CNTN6: variants seen among roughly 807,000 people sequenced by gnomAD.
The protein encoded by CNTN6 is contactin-6.
Under a neutral mutation model 122.8 loss-of-function variants are expected in CNTN6, and 137 were observed. The observed-to-expected ratio is 1.12, with a 90% confidence interval of 0.97 to 1.29. The LOEUF (loss-of-function observed/expected upper bound fraction) is 1.29, where lower values mean the gene tolerates loss of function less well. Among genes scored for constraint, CNTN6 ranks in the 50% most tolerant of loss-of-function variants. The probability of loss-of-function intolerance (pLI) is 0.00; values close to 1 mark genes in which losing one functional copy is unlikely to be tolerated. For missense variants in CNTN6, 1,634 were observed against 1,223.4 expected, an observed-to-expected ratio of 1.34 and a Z score of -5.01; for synonymous variants, 570 against 426.0, an observed-to-expected ratio of 1.34 and a Z score of -4.16.
chr3:1,402,884 A>G (rs1013858647), intron 22 of CNTN6: 2 of 192,388 alleles, frequency 1.0e-5, no homozygotes, highest in African/African-American at 4.7e-5. Context: ...TCACTAATCA[A>G]GTGTGGCTTT....
At chr3:1,175,177 A>G (rs986975252) in intron 2 of CNTN6, among the ~76,000 whole-genome samples, 2 of 142,232 alleles carry the variant, frequency 1.4e-5, no homozygotes, top group African/African-American at 5.2e-5. Context: ...GACTACGGTG[A>G]GTACCACTGC....
intron 20 of CNTN6, among the ~76,000 whole-genome samples, chr3:1,400,291 G>C (rs190000806): frequency 1.2e-4 from 19 of 152,102 alleles, no homozygotes; most frequent in Admixed American, 1.2e-3. Context: ...CAGATAAGCA[G>C]CAAGTTGTTC....
intron 4 of CNTN6, among the ~76,000 whole-genome samples, chr3:1,232,382 A>T (rs1273766074): frequency 6.6e-6 from 1 of 152,224 alleles, no homozygotes; most frequent in African/African-American, 2.4e-5. Context: ...TAGGTCCTAA[A>T]GATTAAATGG....
chr3:1,120,241 G>C (rs1574918546), intron 1 of CNTN6, among the ~76,000 whole-genome samples: 1 of 151,832 alleles, frequency 6.6e-6, no homozygotes, highest in African/African-American at 2.4e-5. Context: ...ACTTTAGAGA[G>C]GAATTGATGG....
At chr3:1,315,253 C>T (rs1043793272) in intron 7 of CNTN6, among the ~76,000 whole-genome samples, 3 of 151,902 alleles carry the variant, frequency 2.0e-5, no homozygotes, top group African/African-American at 7.3e-5. Flanking sequence ...TGAAGCAAAA[C>T]GAACTCCTAG....
chr3:1,229,588 AAT>A lies in CNTN6; in HGVS notation c.358+1598_358+1599del, dbSNP rs530529630. Among the ~76,000 whole-genome samples the A allele has an allele frequency of 5.3e-5, 8 of 152,290 alleles. No individual in the cohort carries two copies. The South Asian group carries it at 1.0e-3, about 20-fold the overall frequency. ...CCTTTGTTCTGTACTTTTTAACAAA[AAT>A]ATGTTTTAAAATGTCCTACATTATT... is the stretch of plus-strand genomic sequence containing the variant. On this transcript the variant is annotated intron_variant, in intron 4 of 22. Transcript: ENST00000446702.
chr3:1,236,618 G>A (rs572191717), intron 4 of CNTN6, among the ~76,000 whole-genome samples: 1 of 152,190 alleles, frequency 6.6e-6, no homozygotes, highest in Non-Finnish European at 1.5e-5. Context: ...CTGACATAAT[G>A]TACCCGAATG....
At chr3:1,383,232 C>A in intron 18 of CNTN6, 56 bp downstream of exon 18, 3 of 1,595,974 alleles carry the variant, frequency 1.9e-6, no homozygotes, top group Non-Finnish European at 2.6e-6. Context: ...TTTGTGTTCC[C>A]TTGTTCCATT....
At chr3:1,276,810 A>G (rs1427842435) in intron 4 of CNTN6, among the ~76,000 whole-genome samples, 1 of 152,176 alleles carries the variant, frequency 6.6e-6, no homozygotes, top group African/African-American at 2.4e-5. Context: ...ATTTACTTAT[A>G]TGTAATATAA....
intron 11 of CNTN6, among the ~76,000 whole-genome samples, chr3:1,342,073 TG>T (rs1703969009): frequency 6.6e-6 from 1 of 151,846 alleles, no homozygotes; most frequent in Non-Finnish European, 1.5e-5. Flanking sequence ...TTCTCGATTT[TG>T]TTGAAGAGTT....
At position 1,336,595 on chromosome 3, in the gene CNTN6, T is replaced by C. The variant is rs11927758; in HGVS notation, c.1364+6660T>C. 5.6e-3 allele frequency among the ~76,000 whole-genome samples: 859 copies of C among 152,288 alleles called. 6 individuals are homozygous for C. Among genetic ancestry groups the C allele is most frequent in the Middle Eastern group, 0.041 (12 of 294 alleles). On this transcript the variant is annotated intron_variant, in intron 11 of 22. Coordinates refer to ENST00000446702, the MANE Select transcript of CNTN6 (RefSeq NM_001289080.2). ...AGTATATATATTTGCAGACAGGTGT[T>C]ATCAAATCATGGATTCTGTGTGATT...
At chr3:1,205,713 T>C (rs1575230702) in intron 2 of CNTN6, among the ~76,000 whole-genome samples, 1 of 152,200 alleles carries the variant, frequency 6.6e-6, no homozygotes, top group Non-Finnish European at 1.5e-5. Flanking sequence ...AACTCACTGA[T>C]CAATGAAGGG....
At chr3:1,283,920 C>T (rs1693908294) in intron 5 of CNTN6, among the ~76,000 whole-genome samples, 1 of 152,158 alleles carries the variant, frequency 6.6e-6, no homozygotes, top group Non-Finnish European at 1.5e-5. Flanking sequence ...AATCACTTGA[C>T]TCTGGGAGGC....
At chr3:1,393,503 C>T (rs1203263750) in intron 20 of CNTN6, among the ~76,000 whole-genome samples, 2 of 134,146 alleles carry the variant, frequency 1.5e-5, no homozygotes, top group African/African-American at 5.7e-5. Flanking sequence ...CACATGTATA[C>T]ATATGTAACT....
At chr3:1,108,266 A>C (rs923359812) in intron 1 of CNTN6, among the ~76,000 whole-genome samples, 3 of 152,044 alleles carry the variant, frequency 2.0e-5, no homozygotes, top group African/African-American at 7.2e-5. Flanking sequence ...AGAGTTTGAA[A>C]TTTTCTGAAT....
intron 4 of CNTN6, among the ~76,000 whole-genome samples, chr3:1,249,058 G>A (rs995635082): frequency 6.6e-6 from 1 of 152,124 alleles, no homozygotes; most frequent in Non-Finnish European, 1.5e-5. Flanking sequence ...AAGATCACAG[G>A]TAACACTGAT....
At chr3:1,119,322 C>CGTGTGTGTGTGTGTGT (rs369235352) in intron 1 of CNTN6, among the ~76,000 whole-genome samples, 36,653 of 126,276 alleles carry the variant, frequency 0.29, 6,035 homozygotes, top group Middle Eastern at 0.32. Context: ...ACAGAAAAAT[C>CGTGTGTGTGTGTGTGT]GTGTGTGTGT....
chr3:1,368,538 T>C (rs1385657373), intron 12 of CNTN6, among the ~76,000 whole-genome samples: 8 of 152,164 alleles, frequency 5.3e-5, no homozygotes, highest in Non-Finnish European at 1.0e-4. Context: ...TAAAAACTTA[T>C]CAAAAAGTAT....
At position 1,403,343 on chromosome 3, in the gene CNTN6, C is replaced by A; in HGVS notation, c.3012C>A (p.Phe1004Leu). 1 of 1,610,188 alleles carries A rather than the reference C, an allele frequency of 6.2e-7. No individual in the cohort carries two copies. Among genetic ancestry groups the A allele is most frequent in the Non-Finnish European group, 8.5e-7 (1 of 1,178,068 alleles). The change falls in exon 23 of 23, where the codon TTC (phenylalanine) becomes TTA (leucine). Residue 1004 changes from phenylalanine (F) to leucine (L), a missense_variant. By Grantham distance (22) the Phe-to-Leu change is conservative. Coordinates refer to ENST00000446702, the MANE Select transcript of CNTN6 (RefSeq NM_001289080.2). ...GTTTGAGTTCCAGAGGAATTCAATT[C>A]TTAGAACCTAGCACCCATTTTCTTT... ...MSSLSSRGIQ[F>L]LEPSTHFLSI...
Sources: allele counts gnomAD v4.1 joint callset (sites outside exome capture counted in the v4.1 genomes callset), GRCh38; gene constraint gnomAD v4.1.1; transcripts MANE v1.5; gene names NCBI Gene and HGNC (gene_info 2026-07-23, HGNC 2026-07-21).